The following PRKDC variants were observed in gnomAD, a reference collection of about 807,000 sequenced individuals.
PRKDC encodes DNA-dependent protein kinase catalytic subunit.
A neutral mutation model predicts 486.9 loss-of-function variants in PRKDC; 82 were observed. The observed-to-expected ratio is 0.17, with a 90% confidence interval of 0.14 to 0.20. The LOEUF is 0.20. Among genes scored for constraint, PRKDC ranks in the 10% least tolerant of loss-of-function variants. The pLI is 1.00. For synonymous variants in PRKDC, 1,895 were observed against 1,837.0 expected, an observed-to-expected ratio of 1.03 and a Z score of -0.81; for missense variants, 4,504 against 5,038.2, an observed-to-expected ratio of 0.89 and a Z score of 3.21.
intron 64 of PRKDC, 43 bp downstream of exon 64, chr8:47,823,815 A>G: frequency 1.2e-6 from 2 of 1,605,500 alleles, no homozygotes; most frequent in East Asian, 4.5e-5. Context: ...AGAAAACAAA[A>G]GTGTTGAAGT....
intron 36 of PRKDC, among the ~76,000 whole-genome samples, chr8:47,884,563 T>C (rs372453048): frequency 7.9e-5 from 12 of 152,340 alleles, no homozygotes; most frequent in East Asian, 3.9e-4. Flanking sequence ...GTTTTTTCTA[T>C]CATTTCCATC....
At position 47,957,451 on chromosome 8, in the gene PRKDC, A is replaced by G. The variant is rs530661663; in HGVS notation, c.155-20T>C. On this transcript the variant is annotated intron_variant, in intron 1 of 85. Coordinates refer to ENST00000314191, the MANE Select transcript of PRKDC (RefSeq NM_006904.7). ...GTAATGCTGTTCAAAAAAATAAGTA[A>G]ACAAGTTAAGAGAGTGCCAAGAGCA... 51 of 1,552,946 alleles carry G rather than the reference A, an allele frequency of 3.3e-5. No individual in the cohort carries two copies. The East Asian group carries it at 1.1e-3, about 32-fold the overall frequency.
chr8:47,933,101 ATAAAG>A lies in PRKDC; in HGVS notation c.1690_1694del (p.Leu564Ter). ...TCAAAACGGATTTTACAAATTCATC[ATAAAG>A]TAAATGATTCAGACTTTCACTGGAG... On this transcript the variant is annotated frameshift_variant, in exon 16 of 86. Transcript: ENST00000314191. LOFTEE classifies it high-confidence loss of function. 1.3e-6 allele frequency: 2 copies of A among 1,581,190 alleles called. No individual in the cohort carries two copies. The highest frequency in any genetic ancestry group is 1.7e-6 in the Non-Finnish European group (2 of 1,164,950).
intron 40 of PRKDC, among the ~76,000 whole-genome samples, chr8:47,870,558 T>A (rs1329605065): frequency 1.3e-5 from 2 of 152,134 alleles, no homozygotes; most frequent in African/African-American, 4.8e-5. Flanking sequence ...GACCAAAGAC[T>A]TAGATCATAC....
chr8:47,844,458 ACT>A (rs2088220915), intron 54 of PRKDC, among the ~76,000 whole-genome samples: 1 of 152,150 alleles, frequency 6.6e-6, no homozygotes. Context: ...GGAAACTAAC[ACT>A]CTACTGACAG....
intron 76 of PRKDC, among the ~76,000 whole-genome samples, chr8:47,788,082 T>A (rs1736118005): frequency 6.6e-6 from 1 of 152,208 alleles, no homozygotes; most frequent in African/African-American, 2.4e-5. Context: ...TGAGGTTTAA[T>A]GAATAAAAGT....
chr8:47,778,774 T>G lies in PRKDC; in HGVS notation c.11605A>C (p.Thr3869Pro). The G allele has an allele frequency of 1.2e-6, 2 of 1,613,788 alleles. No homozygotes were observed. Among genetic ancestry groups the G allele is most frequent in the Non-Finnish European group, 1.7e-6 (2 of 1,179,796 alleles). ...YKGANRTETV[T>P]SFRKRESKVP... Reference sequence around the variant, plus strand: ...TTACTTTCTCGTTTTCTAAAAGACGTGACTGTTTCAGTACGATTAGCGCCC... The same window carrying G: ...TTACTTTCTCGTTTTCTAAAAGACGGGACTGTTTCAGTACGATTAGCGCCC... The change falls in exon 82 of 86, where the codon ACG becomes CCG. Residue 3869 changes from threonine (T) to proline (P), a missense_variant. By Grantham distance (38) the Thr-to-Pro change is conservative. Coordinates refer to ENST00000314191, the MANE Select transcript of PRKDC (RefSeq NM_006904.7).
chr8:47,893,153 G>T lies in PRKDC; in HGVS notation c.3833C>A (p.Ala1278Glu). 1 of 1,602,808 alleles carries T rather than the reference G, an allele frequency of 6.2e-7. No individual in the cohort carries two copies. Among genetic ancestry groups the T allele is most frequent in the South Asian group, 1.1e-5 (1 of 90,360 alleles). ...GGGTGACCTACCTAGGACCTGGAGC[G>T]CTCCTACAGTTCTCTCGCCAATGAA... ...NTFIGERTVG[A>E]LQVLGTEAQS... is the part of the protein sequence containing the mutation. Residue 1278 changes from alanine to glutamate, a missense_variant, in exon 31 of 86, where the codon GCG (alanine) becomes GAG (glutamate). Physicochemically the swap from Ala to Glu is moderately radical, Grantham distance 107. Transcript: ENST00000314191.
intron 69 of PRKDC, among the ~76,000 whole-genome samples, chr8:47,804,662 T>C (rs751092892): frequency 6.6e-6 from 1 of 152,204 alleles, no homozygotes; most frequent in Non-Finnish European, 1.5e-5. Context: ...AATGCTCCTG[T>C]GAACATTTGT....
At chr8:47,890,139 A>C (rs1166905284) in intron 32 of PRKDC, 118 bp downstream of exon 32, 2 of 387,804 alleles carry the variant, frequency 5.2e-6, no homozygotes, top group Non-Finnish European at 8.4e-6. Context: ...TATAATAATA[A>C]TAATAATAAT....
chr8:47,821,071 G>C, intron 65 of PRKDC, 128 bp from the exon 66 acceptor site: 1 of 579,614 alleles, frequency 1.7e-6, no homozygotes, highest in Non-Finnish European at 2.7e-6. Context: ...GATGATGTTT[G>C]ATGTCTGAAA....
intron 36 of PRKDC, among the ~76,000 whole-genome samples, chr8:47,884,564 C>A (rs1200430913): frequency 1.3e-5 from 2 of 152,178 alleles, no homozygotes; most frequent in East Asian, 3.8e-4. Flanking sequence ...TTTTTTCTAT[C>A]ATTTCCATCA....
chr8:47,937,934 G>A (rs1233263185), intron 11 of PRKDC, among the ~76,000 whole-genome samples: 2 of 152,164 alleles, frequency 1.3e-5, no homozygotes, highest in Non-Finnish European at 2.9e-5. Context: ...GTGTAACGAA[G>A]TGAGATATCG....
rs779020863 is a variant in PRKDC, at chr8:47,864,673, G to A, written c.5454C>T (p.Ser1818=). Reference sequence around the variant, plus strand: ...GAGTGAGGAGGGAGCGGTCCACAAAGGACTGGCGTGTGAAACTTAGGCGGG... The same window carrying A: ...GAGTGAGGAGGGAGCGGTCCACAAAAGACTGGCGTGTGAAACTTAGGCGGG... The part of the protein sequence containing the change: ...DDPRLSFTRQ[S]FVDRSLLTLL... Residue 1818 remains serine, a synonymous_variant, in exon 41 of 86, where the codon TCC becomes TCT. Coordinates refer to ENST00000314191, the MANE Select transcript of PRKDC (RefSeq NM_006904.7). The A allele has an allele frequency of 6.2e-7, 1 of 1,608,364 alleles. No homozygotes were observed.
intron 21 of PRKDC, among the ~76,000 whole-genome samples, chr8:47,920,711 G>C (rs1043259719): frequency 6.6e-6 from 1 of 152,106 alleles, no homozygotes; most frequent in Non-Finnish European, 1.5e-5. Flanking sequence ...AATATAACAC[G>C]AACATGCACT....
At chr8:47,781,404 AG>A (rs1248286403) in intron 80 of PRKDC, among the ~76,000 whole-genome samples, 2 of 152,226 alleles carry the variant, frequency 1.3e-5, no homozygotes, top group Admixed American at 6.5e-5. Flanking sequence ...TCCTGACTGA[AG>A]GGAACACTGC....
rs934018802 is a variant in PRKDC at position 47,773,192 on chromosome 8, GA to G, written c.*980del. 4.2e-3 allele frequency: 782 copies of G among 187,484 alleles called. No homozygotes were observed. Among genetic ancestry groups the G allele is most frequent in the East Asian group, 7.8e-3 (89 of 11,346 alleles). The allele number at this position is 187,484 out of a possible 1,614,324, so 11.6% of individuals were successfully genotyped here. On this transcript the variant is annotated 3_prime_UTR_variant, in exon 86 of 86. Coordinates refer to ENST00000314191, the MANE Select transcript of PRKDC (RefSeq NM_006904.7). ...AGCCTCCAAATACAAGTGTTAGAAG[GA>G]AAAAAAAAAACAACAAAAAGCTAAA...
rs188835429 is a variant in PRKDC at position 47,953,988 on chromosome 8, T to C, written c.509-69A>G. ...TAAATAAGTTAAACTAACCAAAATG[T>C]ATGAAGAAAATAAAATAAAATAAAG... On this transcript the variant is annotated intron_variant, in intron 5 of 85. Transcript: ENST00000314191. The C allele has an allele frequency of 3.9e-5, 32 of 815,958 alleles. No individual in the cohort carries two copies. In the East Asian group the frequency reaches 8.3e-4, roughly 21 times the overall value. 50.5% of individuals were successfully genotyped at this position (815,958 alleles called of 1,614,324 possible). A position where few individuals can be genotyped will look rare whatever the true frequency, so the allele number is the denominator to read the frequency against.
At chr8:47,914,188 T>C in intron 23 of PRKDC, 124 bp from the exon 24 acceptor site, 1 of 786,210 alleles carries the variant, frequency 1.3e-6, no homozygotes, top group Non-Finnish European at 1.7e-6. Context: ...AAGCACTTCA[T>C]TCATCTTTCC....
Sources: allele counts gnomAD v4.1 joint callset (sites outside exome capture counted in the v4.1 genomes callset), GRCh38; gene constraint gnomAD v4.1.1; transcripts MANE v1.5; gene names NCBI Gene and HGNC (gene_info 2026-07-23, HGNC 2026-07-21).